The following PTPRM variants were observed in gnomAD, a reference collection of about 807,000 sequenced individuals.
PTPRM encodes receptor-type tyrosine-protein phosphatase mu.
In PTPRM, 47 loss-of-function variants were observed where a neutral mutation model predicts 186.7. The ratio of observed to expected loss-of-function variants is 0.25; its 90% CI spans 0.20 to 0.32. PTPRM has a LOEUF of 0.32. PTPRM is among the 10% of genes least tolerant of loss of function. PTPRM has a pLI of 1.00. For synonymous variants in PTPRM, 668 were observed against 674.9 expected (o/e 0.99, Z 0.16); for missense variants, 1,494 against 1,865.0 (o/e 0.80, Z 3.66).
intron 4 of PTPRM, among the ~76,000 whole-genome samples, chr18:7,915,519 C>T (rs892940326): frequency 1.3e-5 from 2 of 152,132 alleles, no homozygotes; most frequent in Non-Finnish European, 2.9e-5. Context: ...GGGCTCTTTT[C>T]CAGGTTCCAG....
chr18:7,778,778 C>T (rs761189226), intron 2 of PTPRM, among the ~76,000 whole-genome samples: 1 of 152,150 alleles, frequency 6.6e-6, no homozygotes, highest in African/African-American at 2.4e-5. Flanking sequence ...CTGCACCCAG[C>T]CCACAGTGGG....
At chr18:7,806,568 G>A (rs921880088) in intron 2 of PTPRM, among the ~76,000 whole-genome samples, 1 of 152,188 alleles carries the variant, frequency 6.6e-6, no homozygotes, top group Non-Finnish European at 1.5e-5. Context: ...TGAGCAAAAA[G>A]GGCATCATTG....
chr18:7,672,079 A>G (rs557868065), intron 1 of PTPRM, among the ~76,000 whole-genome samples: 2 of 152,294 alleles, frequency 1.3e-5, no homozygotes, highest in African/African-American at 4.8e-5. Flanking sequence ...CAAACATCTT[A>G]TTTTTAGAAA....
At chr18:7,797,284 C>T (rs2145297361) in intron 2 of PTPRM, among the ~76,000 whole-genome samples, 1 of 152,312 alleles carries the variant, frequency 6.6e-6, no homozygotes, top group East Asian at 1.9e-4. Flanking sequence ...TGTGAAGCCT[C>T]CTGTCCTGTC....
At chr18:7,918,245 A>G (rs953693679) in intron 4 of PTPRM, among the ~76,000 whole-genome samples, 5 of 151,990 alleles carry the variant, frequency 3.3e-5, no homozygotes, top group African/African-American at 1.2e-4. Context: ...TTTCTTTTGG[A>G]TATATACCAA....
intron 1 of PTPRM, among the ~76,000 whole-genome samples, chr18:7,770,018 A>T (rs1301738478): frequency 6.6e-6 from 1 of 152,168 alleles, no homozygotes; most frequent in Non-Finnish European, 1.5e-5. Flanking sequence ...CCCCCCTGTG[A>T]AACATGAATA....
At chr18:7,580,038 T>G (rs1168672878) in intron 1 of PTPRM, among the ~76,000 whole-genome samples, 1 of 152,230 alleles carries the variant, frequency 6.6e-6, no homozygotes, top group Non-Finnish European at 1.5e-5. Context: ...GGTGGCTCAT[T>G]AAGTTATCTT....
chr18:7,628,373 C>T (rs1251984180), intron 1 of PTPRM, among the ~76,000 whole-genome samples: 1 of 152,032 alleles, frequency 6.6e-6, no homozygotes, highest in Non-Finnish European at 1.5e-5. Context: ...TCTGTTATTC[C>T]CTAGTGTATT....
intron 1 of PTPRM, among the ~76,000 whole-genome samples, chr18:7,650,930 A>G (rs975963414): frequency 2.1e-4 from 29 of 139,010 alleles, no homozygotes; most frequent in Non-Finnish European, 3.4e-4. Context: ...TAAGAGAAAT[A>G]TCTTTTTTTT....
At chr18:7,966,211 T>C (rs1445914480) in intron 7 of PTPRM, among the ~76,000 whole-genome samples, 1 of 152,182 alleles carries the variant, frequency 6.6e-6, no homozygotes, top group Non-Finnish European at 1.5e-5. Flanking sequence ...CAAGAAATTT[T>C]ATTAGGAAGT....
At chr18:8,233,853 T>A (rs184626518) in intron 14 of PTPRM, among the ~76,000 whole-genome samples, 10 of 152,218 alleles carry the variant, frequency 6.6e-5, no homozygotes, top group Non-Finnish European at 1.5e-4. Flanking sequence ...CTAGATTCAT[T>A]TTTCTGCATG....
chr18:8,360,126 C>T (rs778183296), intron 23 of PTPRM, among the ~76,000 whole-genome samples: 5 of 152,192 alleles, frequency 3.3e-5, no homozygotes, highest in Admixed American at 6.5e-5. Context: ...TACACAACTG[C>T]GTTCAGACTA....
At chr18:7,677,997 A>T (rs138591528) in intron 1 of PTPRM, among the ~76,000 whole-genome samples, 199 of 151,920 alleles carry the variant, frequency 1.3e-3, no homozygotes, top group African/African-American at 4.6e-3. Context: ...CGGGCACCTG[A>T]GTGTATGGCA....
At chr18:7,661,945 T>C (rs975096422) in intron 1 of PTPRM, among the ~76,000 whole-genome samples, 4 of 152,026 alleles carry the variant, frequency 2.6e-5, no homozygotes, top group African/African-American at 9.7e-5. Context: ...TGAGACAGGG[T>C]CTTGCTCTGT....
intron 19 of PTPRM, among the ~76,000 whole-genome samples, chr18:8,287,628 G>A (rs1374553505): frequency 6.6e-6 from 1 of 152,160 alleles, no homozygotes; most frequent in Non-Finnish European, 1.5e-5. Flanking sequence ...TTCCAAGGAG[G>A]TATTCTTACT....
In PTPRM at chr18:8,085,525, T is replaced by G; in HGVS notation, c.1552-146T>G. 3 of 702,582 alleles carry G rather than the reference T, an allele frequency of 4.3e-6. No individual in the cohort carries two copies. In the South Asian group the frequency reaches 5.6e-5, roughly 13 times the overall value. The allele number at this position is 702,582 out of a possible 1,614,324, so 43.5% of individuals were successfully genotyped here. On this transcript the variant is annotated intron_variant, in intron 9 of 32. Transcript: ENST00000580170. ...AGCTTTGGCGGAGTTCCTTCATCCCTTCAGTGGATTCAGGATTTCAAGAGT... is the reference window on the plus strand; with the variant it reads ...AGCTTTGGCGGAGTTCCTTCATCCCGTCAGTGGATTCAGGATTTCAAGAGT...
rs1600658387 is a variant in PTPRM, at chr18:8,116,301, C to T, written c.2167+1474C>T. 2.6e-5 allele frequency among the ~76,000 whole-genome samples: 4 copies of T among 152,324 alleles called. No homozygotes were observed. The South Asian group carries it at 8.3e-4, about 32-fold the overall frequency. On this transcript the variant is annotated intron_variant, in intron 13 of 32. Coordinates refer to ENST00000580170, the MANE Select transcript of PTPRM (RefSeq NM_001105244.2). ...CTAGTTTATAATGCTTAACGTTTAA[C>T]GTCACAGCTGAAAGTTTTGAAATCT...
chr18:7,928,689 G>C (rs894360222), intron 5 of PTPRM, among the ~76,000 whole-genome samples: 3 of 152,074 alleles, frequency 2.0e-5, no homozygotes, highest in Admixed American at 1.3e-4. Flanking sequence ...ATTAAGTCTA[G>C]AGAATACAAT....
intron 1 of PTPRM, among the ~76,000 whole-genome samples, chr18:7,658,354 A>G (rs1167167654): frequency 7.0e-6 from 1 of 143,668 alleles, no homozygotes; most frequent in African/African-American, 2.6e-5. Context: ...ATATATATAT[A>G]TATATACATA....
Sources: gnomAD v4.1 joint callset for allele counts (sites outside exome capture counted in the v4.1 genomes callset) on GRCh38, gnomAD v4.1.1 for gene constraint, MANE v1.5 for transcripts, NCBI Gene and HGNC (gene_info 2026-07-23, HGNC 2026-07-21) for gene names.